Variants in PLCG2 observed in about 807,000 individuals in gnomAD.
PLCG2 encodes 1-phosphatidylinositol 4,5-bisphosphate phosphodiesterase gamma-2.
Under a neutral mutation model 175.6 loss-of-function variants are expected in PLCG2, and 69 were observed. The ratio of observed to expected loss-of-function variants is 0.39; its 90% CI spans 0.32 to 0.48. PLCG2 has a LOEUF of 0.48. Ranked by LOEUF, PLCG2 falls within the 20% of genes least tolerant of loss-of-function variation. The probability of loss-of-function intolerance (pLI) is 0.91; values close to 1 mark genes in which losing one functional copy is unlikely to be tolerated. For synonymous variants in PLCG2, 827 were observed against 624.0 expected, an observed-to-expected ratio of 1.33 and a Z score of -4.85; for missense variants, 1,798 against 1,650.9, an observed-to-expected ratio of 1.09 and a Z score of -1.54.
intron 7 of PLCG2, among the ~76,000 whole-genome samples, chr16:81,877,973 ATTTTTTTTT>A (rs71146052): frequency 4.8e-4 from 27 of 55,758 alleles, no homozygotes; most frequent in Admixed American, 2.2e-3. Flanking sequence ...TTTTTTTTTA[ATTTTTTTTT>A]TTTTTTTTTT....
intron 1 of PLCG2, among the ~76,000 whole-genome samples, chr16:81,742,110 T>C (rs1909607286): frequency 7.4e-6 from 1 of 135,300 alleles, no homozygotes; most frequent in Non-Finnish European, 1.5e-5. Context: ...TAAACACAGA[T>C]TTTAATTGTG....
At chr16:81,763,485 G>T (rs1348794864) in intron 2 of PLCG2, among the ~76,000 whole-genome samples, 2 of 152,216 alleles carry the variant, frequency 1.3e-5, no homozygotes, top group African/African-American at 4.8e-5. Context: ...GCCTGTGCCT[G>T]GGCTGGGAAG....
intron 2 of PLCG2, among the ~76,000 whole-genome samples, chr16:81,826,753 T>G (rs572524393): frequency 1.1e-4 from 17 of 152,286 alleles, no homozygotes; most frequent in African/African-American, 3.8e-4. Flanking sequence ...GAAACTGAGT[T>G]TCATAAAGTA....
At position 81,910,573 on chromosome 16, in the gene PLCG2, C is replaced by G. The variant is rs757207696; in HGVS notation, c.1787C>G (p.Thr596Ser). Residue 596 changes from threonine to serine, a missense_variant, in exon 18 of 33, where the codon ACC becomes AGC. By Grantham distance (58) the Thr-to-Ser change is moderately conservative (BLOSUM62 1). Transcript: ENST00000564138. ...ATCCGCTCCACCATGGAGGGCGGGA[C>G]CCTGAAATACTACTTGACTGACAAC... is the stretch of plus-strand genomic sequence containing the variant. ...CRIRSTMEGG[T>S]LKYYLTDNLT... is the part of the protein sequence containing the mutation. 6.2e-7 allele frequency: 1 copy of G among 1,614,114 alleles called. No homozygotes were observed. Among genetic ancestry groups the G allele is most frequent in the African/African-American group, 1.3e-5 (1 of 75,052 alleles).
Position 81,889,524 on chromosome 16 carries a change from G to C in PLCG2, c.867+251G>C, listed in dbSNP as rs923227272. The C allele has an allele frequency of 5.7e-5, 19 of 333,810 alleles. No individual in the cohort carries two copies. In the South Asian group the frequency reaches 1.1e-3, roughly 20 times the overall value. The allele number at this position is 333,810 out of a possible 1,614,324, so 20.7% of individuals were successfully genotyped here. The stretch of plus-strand genomic sequence containing the variant: ...TAGACAGAACCGATTGATCAAGGCA[G>C]GGGAATTGCAATAGGGAAAGAGCTT... On this transcript the variant is annotated intron_variant, in intron 10 of 32. Transcript: ENST00000564138.
chr16:81,895,613 A>T (rs1444631265), intron 12 of PLCG2, 194 bp from the exon 13 acceptor site: 1 of 567,152 alleles, frequency 1.8e-6, no homozygotes, highest in African/African-American at 1.9e-5. Flanking sequence ...TGTCTTGGAC[A>T]GCTGCACTTG....
intron 30 of PLCG2, among the ~76,000 whole-genome samples, chr16:81,944,501 C>A (rs182694271): frequency 6.6e-6 from 1 of 152,320 alleles, no homozygotes; most frequent in East Asian, 1.9e-4. Flanking sequence ...TTCCCTCTGT[C>A]ACTGAGGCTG....
At chr16:81,900,313 TTA>T (rs1183905607) in intron 13 of PLCG2, among the ~76,000 whole-genome samples, 1 of 151,946 alleles carries the variant, frequency 6.6e-6, no homozygotes, top group Non-Finnish European at 1.5e-5. Flanking sequence ...GAAAAAAAGA[TTA>T]GAGACTTTTT....
At chr16:81,933,575 T>TG (rs1246079224) in intron 25 of PLCG2, among the ~76,000 whole-genome samples, 1 of 149,768 alleles carries the variant, frequency 6.7e-6, no homozygotes, top group African/African-American at 2.4e-5. Context: ...TGCTGTTTTT[T>TG]GTTTTTTTTT....
rs139688458 is a variant in PLCG2 at position 81,927,053 on chromosome 16, G to A, written c.2418-29G>A. ...GGGTAATTCATGCCACCTGGTGACAGCGCCCCCATGTCCTCTCTTCTTATC... is the reference window on the plus strand; with the variant it reads ...GGGTAATTCATGCCACCTGGTGACAACGCCCCCATGTCCTCTCTTCTTATC... On this transcript the variant is annotated intron_variant, in intron 22 of 32. Coordinates refer to ENST00000564138, the MANE Select transcript of PLCG2 (RefSeq NM_002661.5). 8.9e-4 allele frequency: 1,299 copies of A among 1,461,086 alleles called. 10 individuals carry two copies. The African/African-American group carries it at 0.015, about 17-fold the overall frequency. The allele number at this position is 1,461,086 out of a possible 1,614,324, so 90.5% of individuals were successfully genotyped here. A position where few individuals can be genotyped will look rare whatever the true frequency, so the allele number is the denominator to read the frequency against.
chr16:81,928,696 C>T, intron 24 of PLCG2, 72 bp downstream of exon 24: 2 of 998,792 alleles, frequency 2.0e-6, no homozygotes, highest in Non-Finnish European at 3.2e-6. Flanking sequence ...CCCCGCCCTA[C>T]ACAGGGAGGT....
chr16:81,755,643 A>T (rs1404645371), intron 1 of PLCG2, among the ~76,000 whole-genome samples: 1 of 151,942 alleles, frequency 6.6e-6, no homozygotes, highest in Non-Finnish European at 1.5e-5. Flanking sequence ...CTCGTCCCTC[A>T]GCGTCCCGAG....
chr16:81,773,831 G>C (rs1439524665), intron 2 of PLCG2, among the ~76,000 whole-genome samples: 1 of 152,152 alleles, frequency 6.6e-6, no homozygotes, highest in South Asian at 2.1e-4. Context: ...CAGAGAGTGA[G>C]CGACTGGGAC....
Position 81,959,140 on chromosome 16 carries a change from A to AGTC in PLCG2, c.*1143_*1145dup, listed in dbSNP as rs1243196761. ...GGTTGGGAAGGGAGGTGGTTGGTAG[A>AGTC]GTCACAACTTCTCAATGAGTGAATT... On this transcript the variant is annotated 3_prime_UTR_variant, in exon 33 of 33. Transcript: ENST00000564138. 2 of 224,144 alleles carry AGTC rather than the reference A, an allele frequency of 8.9e-6. No homozygotes were observed. The highest frequency in any genetic ancestry group is 2.2e-5 in the African/African-American group (1 of 44,860). The allele number at this position is 224,144 out of a possible 1,614,324, so 13.9% of individuals were successfully genotyped here.
chr16:81,819,733 C>T (rs1180891528), intron 2 of PLCG2, among the ~76,000 whole-genome samples: 1 of 152,098 alleles, frequency 6.6e-6, no homozygotes, highest in Non-Finnish European at 1.5e-5. Context: ...TACAGGTACC[C>T]ACCACCATGC....
intron 24 of PLCG2, among the ~76,000 whole-genome samples, chr16:81,930,824 T>C (rs568478223): frequency 1.6e-4 from 24 of 152,086 alleles, no homozygotes; most frequent in Admixed American, 2.0e-4. Context: ...TAGAAAATTA[T>C]GCACAATATG....
rs55943110 is a variant in PLCG2, at chr16:81,944,859, C to T, written c.3482-1316C>T. On this transcript the variant is annotated intron_variant, in intron 30 of 32. Transcript: ENST00000564138. ...TCCTGAACGAGTCCCCCATAGATAT[C>T]AAGGGCCAACTGTAGAGTAAAAGTT... Among the ~76,000 whole-genome samples the T allele has an allele frequency of 2.5e-3, 382 of 152,208 alleles. 2 individuals carry two copies. Among genetic ancestry groups the T allele is most frequent in the African/African-American group, 8.6e-3 (356 of 41,536 alleles).
At chr16:81,826,539 A>G (rs1248118066) in intron 2 of PLCG2, among the ~76,000 whole-genome samples, 1 of 152,228 alleles carries the variant, frequency 6.6e-6, no homozygotes, top group Admixed American at 6.5e-5. Context: ...ATTCAATGTA[A>G]CAAGCACTTA....
intron 19 of PLCG2, among the ~76,000 whole-genome samples, chr16:81,913,841 T>C (rs1310120424): frequency 6.6e-6 from 1 of 152,166 alleles, no homozygotes; most frequent in African/African-American, 2.4e-5. Flanking sequence ...GGATTTCCCT[T>C]CCTCCTTGCC....
Sources: allele counts gnomAD v4.1 joint callset (sites outside exome capture counted in the v4.1 genomes callset), GRCh38; gene constraint gnomAD v4.1.1; transcripts MANE v1.5; gene names NCBI Gene and HGNC (gene_info 2026-07-23, HGNC 2026-07-21).